GRID2: variants seen among roughly 807,000 people sequenced by gnomAD.
The protein encoded by GRID2 is glutamate ionotropic receptor delta type subunit 2, also known as glutamate receptor ionotropic, delta-2.
GRID2 carries 33 observed loss-of-function variants against 114.8 expected under a neutral mutation model. The observed-to-expected ratio is 0.29, with a 90% CI of 0.22 to 0.38. The LOEUF (loss-of-function observed/expected upper bound fraction) is 0.38, where lower values mean the gene tolerates loss of function less well. Among genes scored for constraint, GRID2 ranks in the 10% least tolerant of loss-of-function variants. GRID2 has a pLI of 1.00. For synonymous variants in GRID2, 505 were observed against 449.9 expected, an observed-to-expected ratio of 1.12 and a Z score of -1.55; for missense variants, 1,184 against 1,257.7, an observed-to-expected ratio of 0.94 and a Z score of 0.89.
At position 93,216,756 on chromosome 4, in the gene GRID2, G is replaced by C. The variant is rs147543791; in HGVS notation, c.808G>C (p.Val270Leu). The part of the protein sequence containing the change: ...IINEEINDVD[V>L]QELVRRSIGR... ...CTTATAGGAAATAAACGATGTGGAC[G>C]TACAGGAACTTGTAAGAAGGTCAAT... Residue 270 changes from valine to leucine, a missense_variant, in exon 6 of 16, where the codon GTA (valine) becomes CTA (leucine). This residue lies in a region of GRID2 where 455 missense variants were observed against 429.5 expected (regional missense o/e 1.06). Coordinates refer to ENST00000282020, the MANE Select transcript of GRID2 (RefSeq NM_001510.4). The C allele has an allele frequency of 4.4e-6, 7 of 1,608,872 alleles. No individual in the cohort carries two copies. The highest frequency in any genetic ancestry group is 2.7e-5 in the African/African-American group (2 of 74,766).
intron 11 of GRID2, among the ~76,000 whole-genome samples, chr4:93,469,848 G>T (rs72668746): frequency 0.014 from 2,103 of 152,150 alleles, 18 homozygotes; most frequent in South Asian, 0.056. Context: ...TAGTGCAACC[G>T]GTCCCCTGTA....
At chr4:93,669,123 C>A (rs1360970090) in intron 14 of GRID2, among the ~76,000 whole-genome samples, 1 of 151,938 alleles carries the variant, frequency 6.6e-6, no homozygotes, top group Non-Finnish European at 1.5e-5. Flanking sequence ...ATTGACACTA[C>A]CTTTCCACTA....
intron 2 of GRID2, among the ~76,000 whole-genome samples, chr4:92,876,255 AAAAC>A (rs1745618612): frequency 6.6e-6 from 1 of 151,064 alleles, no homozygotes; most frequent in South Asian, 2.1e-4. Flanking sequence ...TGAAATTAAA[AAAAC>A]CCAATTATCT....
intron 1 of GRID2, among the ~76,000 whole-genome samples, chr4:92,412,614 C>G (rs1376401548): frequency 6.6e-6 from 1 of 152,038 alleles, no homozygotes; most frequent in East Asian, 1.9e-4. Flanking sequence ...TTTTTTCCTA[C>G]TTTCACATTA....
chr4:93,682,174 G>GA (rs1189298348), intron 14 of GRID2, among the ~76,000 whole-genome samples: 12 of 150,804 alleles, frequency 8.0e-5, no homozygotes, highest in Admixed American at 7.9e-4. Context: ...AAAGACACAT[G>GA]AAAAAATGCT....
At chr4:93,617,373 A>C (rs2149677133) in intron 13 of GRID2, among the ~76,000 whole-genome samples, 1 of 152,328 alleles carries the variant, frequency 6.6e-6, no homozygotes, top group South Asian at 2.1e-4. Context: ...GAGACACAGA[A>C]TCTTTTGATT....
intron 10 of GRID2, among the ~76,000 whole-genome samples, chr4:93,446,590 G>A (rs1722114640): frequency 1.3e-5 from 2 of 152,150 alleles, no homozygotes; most frequent in South Asian, 4.1e-4. Context: ...TGAATTGTGA[G>A]AGCTAAAGTG....
chr4:93,720,208 A>G (rs1050634182), intron 14 of GRID2, among the ~76,000 whole-genome samples: 4 of 152,218 alleles, frequency 2.6e-5, no homozygotes. Context: ...ATTGCAGGCC[A>G]TTCATTCCTG....
intron 8 of GRID2, among the ~76,000 whole-genome samples, chr4:93,297,378 T>G (rs1210091041): frequency 6.6e-6 from 1 of 152,234 alleles, no homozygotes. Context: ...CTGGCATATA[T>G]ATATGAAAAT....
intron 2 of GRID2, among the ~76,000 whole-genome samples, chr4:92,635,639 A>G (rs1291787326): frequency 1.3e-5 from 2 of 152,102 alleles, no homozygotes. Flanking sequence ...AAACTTTTAT[A>G]TAATCTCCAG....
chr4:93,590,537 G>A (rs1258595073), intron 13 of GRID2, among the ~76,000 whole-genome samples: 1 of 151,536 alleles, frequency 6.6e-6, no homozygotes, highest in African/African-American at 2.4e-5. Flanking sequence ...TGGCGATGCG[G>A]GCTCTTTTTT....
At chr4:93,200,654 T>C (rs372424498) in intron 4 of GRID2, among the ~76,000 whole-genome samples, 1 of 152,242 alleles carries the variant, frequency 6.6e-6, no homozygotes, top group Admixed American at 6.5e-5. Flanking sequence ...TGTTTTTGTT[T>C]TGTGGAAATA....
intron 8 of GRID2, among the ~76,000 whole-genome samples, chr4:93,358,275 A>G (rs1430210335): frequency 6.6e-6 from 1 of 151,824 alleles, no homozygotes; most frequent in Non-Finnish European, 1.5e-5. Flanking sequence ...AATATTAATT[A>G]ACAGTAGCAA....
intron 1 of GRID2, among the ~76,000 whole-genome samples, chr4:92,450,261 T>C (rs965427243): frequency 2.7e-4 from 41 of 152,062 alleles, no homozygotes; most frequent in Admixed American, 2.1e-3. Flanking sequence ...TTTATAATAG[T>C]AGAATGAATA....
chr4:93,238,709 A>G (rs1747110965), intron 8 of GRID2, among the ~76,000 whole-genome samples: 1 of 151,830 alleles, frequency 6.6e-6, no homozygotes, highest in Non-Finnish European at 1.5e-5. Flanking sequence ...TGTAAAGGAA[A>G]AAAGTAATCT....
At chr4:93,327,291 G>C (rs184859358) in intron 8 of GRID2, among the ~76,000 whole-genome samples, 1 of 152,056 alleles carries the variant, frequency 6.6e-6, no homozygotes, top group African/African-American at 2.4e-5. Context: ...GACATTAAAG[G>C]TCCAAAATAT....
chr4:92,691,522 A>G (rs1300960426), intron 2 of GRID2, among the ~76,000 whole-genome samples: 1 of 152,172 alleles, frequency 6.6e-6, no homozygotes, highest in Non-Finnish European at 1.5e-5. Context: ...AGCAGAGCTA[A>G]GTGGTTTTGC....
At chr4:92,625,396 G>C (rs1023642859) in intron 2 of GRID2, among the ~76,000 whole-genome samples, 1 of 151,728 alleles carries the variant, frequency 6.6e-6, no homozygotes, top group Non-Finnish European at 1.5e-5. Flanking sequence ...GAAAATATGT[G>C]AGTCACTGAA....
At position 92,730,253 on chromosome 4, in the gene GRID2, A is replaced by G. The variant is rs148557529; in HGVS notation, c.244+139967A>G. Among the ~76,000 whole-genome samples the G allele has an allele frequency of 5.7e-3, 865 of 152,062 alleles. 3 individuals are homozygous for G. Among genetic ancestry groups the G allele is most frequent in the African/African-American group, 0.02 (828 of 41,534 alleles). ...TGTCTATTGATTATAAGCATAAACC[A>G]CTACATAGAAAAGGTAGAAAGCAAA... On this transcript the variant is annotated intron_variant, in intron 2 of 15. Transcript: ENST00000282020.
Sources: allele counts gnomAD v4.1 joint callset (sites outside exome capture counted in the v4.1 genomes callset), GRCh38; gene constraint gnomAD v4.1.1; regional missense constraint gnomAD v4.1.1; transcripts MANE v1.5; gene names NCBI Gene and HGNC (gene_info 2026-07-23, HGNC 2026-07-21).